RUFY2: variants seen among roughly 807,000 people sequenced by gnomAD.
RUFY2 encodes RUN and FYVE domain containing 2.
RUFY2 carries 49 observed loss-of-function variants against 94.4 expected under a neutral mutation model. The ratio of observed to expected loss-of-function variants is 0.52; its 90% CI spans 0.41 to 0.66. The LOEUF (loss-of-function observed/expected upper bound fraction) is 0.66. RUFY2 is among the 30% of genes least tolerant of loss of function. The pLI is 0.00. For synonymous variants in RUFY2, 255 were observed against 235.7 expected (o/e 1.08, Z -0.75); for missense variants, 541 against 692.8 (o/e 0.78, Z 2.46).
At chr10:68,378,030 T>C (rs750550585) in intron 12 of RUFY2, 23 of 985,174 alleles carry the variant, frequency 2.3e-5, no homozygotes, top group African/African-American at 2.1e-4. Context: ...AAAAGGAAAA[T>C]AGAAGTCAGA....
rs149830171 is a variant in RUFY2 at position 68,353,280 on chromosome 10, G to A, written c.1599+2073C>T. ...CGGGAGGCGGAGGTTGCAATGAGCC[G>A]AGATCGCGCCACTGCACTCCAGCCT... On this transcript the variant is annotated intron_variant, in intron 16 of 17. Transcript: ENST00000602465. 6.7e-3 allele frequency among the ~76,000 whole-genome samples: 1,002 copies of A among 150,270 alleles called. 9 individuals carry two copies. Among genetic ancestry groups the A allele is most frequent in the African/African-American group, 0.023 (925 of 40,878 alleles).
chr10:68,346,223 T>C, intron 16 of RUFY2, 139 bp from the exon 17 acceptor site: 1 of 654,484 alleles, frequency 1.5e-6, no homozygotes, highest in South Asian at 2.0e-5. Context: ...GAGATGTATA[T>C]ATATGTAAAT....
intron 13 of RUFY2, among the ~76,000 whole-genome samples, chr10:68,368,424 C>A (rs2048017540): frequency 6.8e-6 from 1 of 147,682 alleles, no homozygotes; most frequent in South Asian, 2.1e-4. Flanking sequence ...CTTTGGGAGG[C>A]CGAGATAGGC....
intron 15 of RUFY2, among the ~76,000 whole-genome samples, chr10:68,358,233 G>C (rs528557109): frequency 3.9e-5 from 6 of 152,130 alleles, no homozygotes; most frequent in African/African-American, 1.4e-4. Flanking sequence ...AAATTGGAAT[G>C]ACTAAAACAT....
rs912595486 is a variant in RUFY2, at chr10:68,402,631, A to AAAATCAAGATGCACTCCTGATTTTTTCTG, written c.179-923_179-895dup. On this transcript the variant is annotated intron_variant, in intron 2 of 17. Transcript: ENST00000602465. ...AAACTCCATTTCAGCAGTCTTGGGG[A>AAAATCAAGATGCACTCCTGATTTTTTCTG]AAATCAAGATGCACTCCTGATTTTT... 2.3e-3 allele frequency among the ~76,000 whole-genome samples: 341 copies of AAAATCAAGATGCACTCCTGATTTTTTCTG among 151,136 alleles called. 1 individual carries two copies. The highest frequency in any genetic ancestry group is 7.9e-3 in the African/African-American group (320 of 40,664).
chr10:68,398,867 TAG>T (rs1007930971), intron 3 of RUFY2, among the ~76,000 whole-genome samples: 1 of 152,162 alleles, frequency 6.6e-6, no homozygotes, highest in African/African-American at 2.4e-5. Context: ...TTTACTATTG[TAG>T]AGTCTGGCTT....
At chr10:68,399,659 T>C (rs1232426726) in intron 3 of RUFY2, among the ~76,000 whole-genome samples, 1 of 152,226 alleles carries the variant, frequency 6.6e-6, no homozygotes, top group Non-Finnish European at 1.5e-5. Flanking sequence ...AACCCTAAGT[T>C]GTAAAACTAT....
At chr10:68,371,453 A>G (rs1183324813) in intron 13 of RUFY2, among the ~76,000 whole-genome samples, 1 of 151,600 alleles carries the variant, frequency 6.6e-6, no homozygotes, top group Non-Finnish European at 1.5e-5. Context: ...TTAGCTGGGC[A>G]TGATGGCGCA....
At chr10:68,384,645 T>C (rs933946708) in intron 8 of RUFY2, among the ~76,000 whole-genome samples, 1 of 152,148 alleles carries the variant, frequency 6.6e-6, no homozygotes, top group Non-Finnish European at 1.5e-5. Context: ...AACAGGAACT[T>C]AAGTGACTAC....
At chr10:68,363,833 C>T in intron 14 of RUFY2, 149 bp from the exon 15 acceptor site, 2 of 820,272 alleles carry the variant, frequency 2.4e-6, no homozygotes, top group South Asian at 2.0e-5. Flanking sequence ...GCTGCTGTAT[C>T]AACTATTTTC....
At chr10:68,379,172 C>T (rs2048858950) in intron 12 of RUFY2, 2 of 351,812 alleles carry the variant, frequency 5.7e-6, no homozygotes, top group East Asian at 5.3e-5. Context: ...TGTAACTGAA[C>T]GACATGAAAC....
Position 68,405,015 on chromosome 10 carries a change from A to AT in RUFY2, c.5-172dup, listed in dbSNP as rs2051157790. ...TAACTTCTCTTTACATCTCTCACAT[A>AT]TACTGTAAAAAATTTCCGGCCAGGC... On this transcript the variant is annotated intron_variant, in intron 1 of 17. Coordinates refer to ENST00000602465, the MANE Select transcript of RUFY2 (RefSeq NM_001330103.2). Among the ~76,000 whole-genome samples the AT allele has an allele frequency of 2.0e-5, 3 of 152,224 alleles. No individual in the cohort carries two copies. In the South Asian group the frequency reaches 6.2e-4, roughly 32 times the overall value.
In RUFY2 at chr10:68,352,520, G is replaced by C. The variant is rs1331165135; in HGVS notation, c.1599+2833C>G. 3.9e-5 allele frequency among the ~76,000 whole-genome samples: 6 copies of C among 152,244 alleles called. No homozygotes were observed. In the East Asian group the frequency reaches 1.2e-3, roughly 29 times the overall value. ...AAGACGTCAAAGAAAAAATAATGACGTAACCAAGTACCTGATATATTTTAC... is the reference window on the plus strand; with the variant it reads ...AAGACGTCAAAGAAAAAATAATGACCTAACCAAGTACCTGATATATTTTAC... On this transcript the variant is annotated intron_variant, in intron 16 of 17. Transcript: ENST00000602465.
At chr10:68,342,324 TTCA>T (rs2134811406), downstream of RUFY2, 1 of 316,910 alleles carries the variant, frequency 3.2e-6, no homozygotes, top group East Asian at 6.3e-5. Flanking sequence ...ATGTGCTGCC[TTCA>T]TAAGATTTGG....
chr10:68,349,587 G>A (rs1294748216), intron 16 of RUFY2, among the ~76,000 whole-genome samples: 1 of 151,788 alleles, frequency 6.6e-6, no homozygotes, highest in East Asian at 1.9e-4. Flanking sequence ...CACCCAGGCT[G>A]GAGTGCAGTG....
intron 2 of RUFY2, among the ~76,000 whole-genome samples, chr10:68,402,839 C>CTTTTTTT (rs68013041): frequency 9.1e-6 from 1 of 109,878 alleles, no homozygotes; most frequent in African/African-American, 4.0e-5. Context: ...CAAGCCATAT[C>CTTTTTTT]TTTTTTTTTT....
In RUFY2 at chr10:68,375,931, C is replaced by G. The variant is rs151265385; in HGVS notation, c.1325+922G>C. The stretch of plus-strand genomic sequence containing the variant: ...TGGCCAACGTCATGAAACTTTGTCT[C>G]TAATAAAAAATACAAAAACTTAGCC... On this transcript the variant is annotated intron_variant, in intron 13 of 17. Coordinates refer to ENST00000602465, the MANE Select transcript of RUFY2 (RefSeq NM_001330103.2). 7.7e-3 allele frequency among the ~76,000 whole-genome samples: 1,165 copies of G among 150,812 alleles called. 15 individuals are homozygous for G. Among genetic ancestry groups the G allele is most frequent in the African/African-American group, 0.026 (1,082 of 41,034 alleles).
chr10:68,376,802 T>C (rs750602346), intron 13 of RUFY2, 51 bp downstream of exon 13: 1 of 1,517,416 alleles, frequency 6.6e-7, no homozygotes, highest in Admixed American at 1.7e-5. Context: ...TGCAAAAAAA[T>C]GAGGGGGTTA....
chr10:68,396,099 T>C (rs2050372000), intron 4 of RUFY2, among the ~76,000 whole-genome samples: 1 of 152,182 alleles, frequency 6.6e-6, no homozygotes, highest in Admixed American at 6.5e-5. Context: ...ACCGGGTTCA[T>C]GTGATTCTCC....
Sources: allele counts gnomAD v4.1 joint callset (sites outside exome capture counted in the v4.1 genomes callset), GRCh38; gene constraint gnomAD v4.1.1; transcripts MANE v1.5; gene names NCBI Gene and HGNC (gene_info 2026-07-23, HGNC 2026-07-21).